The following CLRN1 variants were observed in gnomAD, a reference collection of about 807,000 sequenced individuals.
The protein encoded by CLRN1 is clarin 1, also known as clarin-1.
Under a neutral mutation model 18.7 loss-of-function variants are expected in CLRN1, and 15 were observed. The ratio of observed to expected loss-of-function variants is 0.80; its 90% CI spans 0.54 to 1.23. The LOEUF (loss-of-function observed/expected upper bound fraction) is 1.23, where lower values mean the gene tolerates loss of function less well. CLRN1 is among the 50% of genes most tolerant of loss of function. The probability of loss-of-function intolerance (pLI) is 0.00; values close to 1 mark genes in which losing one functional copy is unlikely to be tolerated. For synonymous variants in CLRN1, 104 were observed against 102.9 expected, an observed-to-expected ratio of 1.01 and a Z score of -0.07; for missense variants, 311 against 277.5, an observed-to-expected ratio of 1.12 and a Z score of -0.86.
intron 1 of CLRN1, among the ~76,000 whole-genome samples, chr3:150,943,202 G>A (rs1440648855): frequency 2.0e-5 from 3 of 152,168 alleles, no homozygotes; most frequent in Non-Finnish European, 4.4e-5. Flanking sequence ...CAGGTCCCTG[G>A]AAAAACCTCA....
chr3:150,948,708 C>T (rs1361520015), intron 1 of CLRN1, among the ~76,000 whole-genome samples: 5 of 152,050 alleles, frequency 3.3e-5, no homozygotes, highest in African/African-American at 1.2e-4. Flanking sequence ...TTTAGGGAAT[C>T]AGTAATAAAT....
intron 2 of CLRN1, among the ~76,000 whole-genome samples, chr3:150,931,320 C>T (rs1326268967): frequency 6.6e-6 from 1 of 152,198 alleles, no homozygotes; most frequent in Admixed American, 6.5e-5. Context: ...CAGTATGACC[C>T]TTTGAATCCA....
At chr3:150,930,813 A>C (rs1380308576) in intron 2 of CLRN1, among the ~76,000 whole-genome samples, 1 of 152,222 alleles carries the variant, frequency 6.6e-6, no homozygotes, top group Non-Finnish European at 1.5e-5. Context: ...TAAATATTTC[A>C]AAGGTACTGC....
chr3:150,929,368 A>C (rs1158625317), intron 2 of CLRN1, among the ~76,000 whole-genome samples: 3 of 152,212 alleles, frequency 2.0e-5, no homozygotes. Flanking sequence ...TCAGGAGCAC[A>C]TAGGATGGCC....
In CLRN1 at chr3:150,965,047, A is replaced by G. The variant is rs529108697; in HGVS notation, c.253+7409T>C. 3.9e-5 allele frequency among the ~76,000 whole-genome samples: 6 copies of G among 152,368 alleles called. No individual in the cohort carries two copies. The South Asian group carries it at 6.2e-4, about 16-fold the overall frequency. ...ACATGTATTTCAGAATTTAAAGTATAATAAAAAAAACTTTAAAAAAGATAG... is the reference window on the plus strand; with the variant it reads ...ACATGTATTTCAGAATTTAAAGTATGATAAAAAAAACTTTAAAAAAGATAG... On this transcript the variant is annotated intron_variant, in intron 1 of 2. Transcript: ENST00000327047.
At chr3:150,948,903 CA>C (rs937680303) in intron 1 of CLRN1, among the ~76,000 whole-genome samples, 1 of 151,920 alleles carries the variant, frequency 6.6e-6, no homozygotes, top group Non-Finnish European at 1.5e-5. Flanking sequence ...AGAGACACAA[CA>C]AAAAAAGAAA....
At chr3:150,956,801 T>G (rs1374140945) in intron 1 of CLRN1, among the ~76,000 whole-genome samples, 1 of 152,202 alleles carries the variant, frequency 6.6e-6, no homozygotes, top group Non-Finnish European at 1.5e-5. Context: ...AAGCCTTTTC[T>G]AGTTTTTTCC....
intron 1 of CLRN1, among the ~76,000 whole-genome samples, chr3:150,941,982 A>G (rs1234655133): frequency 6.6e-6 from 1 of 152,188 alleles, no homozygotes; most frequent in Non-Finnish European, 1.5e-5. Flanking sequence ...AGGAGATTTG[A>G]GGTAATTTAT....
rs1199880729 is a variant in CLRN1 at position 150,965,380 on chromosome 3, T to C, written c.253+7076A>G. On this transcript the variant is annotated intron_variant, in intron 1 of 2. Transcript: ENST00000327047. ...AGTGGGCAGCTGAAATAATATTCAT[T>C]ATTGAATATTGCTTTTATCAATATC... Among the ~76,000 whole-genome samples the C allele has an allele frequency of 2.6e-5, 4 of 152,222 alleles. No homozygotes were observed. The East Asian group carries it at 7.7e-4, about 29-fold the overall frequency.
intron 1 of CLRN1, chr3:150,945,810 A>G (rs1468928198): frequency 1.4e-5 from 6 of 422,242 alleles, no homozygotes; most frequent in African/African-American, 2.1e-5. Context: ...ACCCTTGTGC[A>G]TTTTTCTTGG....
At chr3:150,969,800 G>A (rs1261911372) in intron 1 of CLRN1, among the ~76,000 whole-genome samples, 2 of 151,816 alleles carry the variant, frequency 1.3e-5, no homozygotes, top group East Asian at 3.9e-4. Context: ...GTGAAACCCT[G>A]TCTTTACTAA....
Position 150,929,608 on chromosome 3 carries a change from C to T in CLRN1, c.434-1407G>A, listed in dbSNP as rs1323902631. ...TAAATAAAGCATGATTTGCATTTGG[C>T]TTTGTAATTGACACATATAAATGCT... On this transcript the variant is annotated intron_variant, in intron 2 of 2. Coordinates refer to ENST00000327047, the MANE Select transcript of CLRN1 (RefSeq NM_174878.3). Among the ~76,000 whole-genome samples the T allele has an allele frequency of 2.0e-5, 3 of 152,254 alleles. No homozygotes were observed. In the East Asian group the frequency reaches 5.8e-4, roughly 29 times the overall value.
At chr3:150,965,427 CATA>C (rs1235814685) in intron 1 of CLRN1, among the ~76,000 whole-genome samples, 1 of 152,084 alleles carries the variant, frequency 6.6e-6, no homozygotes, top group Admixed American at 6.5e-5. Flanking sequence ...ATATCAATAT[CATA>C]ATATTAATTA....
intron 1 of CLRN1, among the ~76,000 whole-genome samples, chr3:150,944,581 C>A (rs1179776373): frequency 6.6e-6 from 1 of 150,500 alleles, no homozygotes; most frequent in African/African-American, 2.4e-5. Flanking sequence ...GAATCCAGGC[C>A]GGGTGCGGTG....
chr3:150,946,742 T>A (rs1228107871), intron 1 of CLRN1, among the ~76,000 whole-genome samples: 4 of 151,088 alleles, frequency 2.6e-5, no homozygotes, highest in Non-Finnish European at 5.9e-5. Context: ...TTTTATTTTT[T>A]TATTTTTATT....
At chr3:150,944,711 C>T (rs890191751) in intron 1 of CLRN1, among the ~76,000 whole-genome samples, 11 of 151,124 alleles carry the variant, frequency 7.3e-5, no homozygotes, top group Non-Finnish European at 8.8e-5. Context: ...GCCAAGGTCC[C>T]ACCACTGCAC....
intron 2 of CLRN1, among the ~76,000 whole-genome samples, chr3:150,929,583 T>C (rs1713027283): frequency 6.6e-6 from 1 of 152,244 alleles, no homozygotes; most frequent in South Asian, 2.1e-4. Context: ...GTGGCTAATA[T>C]AAATAAAGCA....
rs201625237 is a variant in CLRN1, at chr3:150,928,198, G to T, written c.437C>A (p.Ser146Tyr). The T allele has an allele frequency of 6.2e-7, 1 of 1,614,010 alleles. No homozygotes were observed. ...CAATATCATGACAAGACAGCCACAG[G>T]AGCCTGCAACAGAAGAAACAAGGTG... Reference protein sequence around the residue: ...GLYLLSFISGSCGCLVMILFA... With the variant: ...GLYLLSFISGYCGCLVMILFA... The change falls in exon 3 of 3, where the codon TCC becomes TAC. Residue 146 changes from serine to tyrosine, a missense_variant. Coordinates refer to ENST00000327047, the MANE Select transcript of CLRN1 (RefSeq NM_174878.3).
intron 1 of CLRN1, among the ~76,000 whole-genome samples, chr3:150,952,733 C>A (rs1044237479): frequency 1.3e-5 from 2 of 152,090 alleles, no homozygotes; most frequent in Non-Finnish European, 2.9e-5. Flanking sequence ...TTTAGCCTGT[C>A]CTAAAATTGA....
Sources: allele counts gnomAD v4.1 joint callset (sites outside exome capture counted in the v4.1 genomes callset), GRCh38; gene constraint gnomAD v4.1.1; transcripts MANE v1.5; gene names NCBI Gene and HGNC (gene_info 2026-07-23, HGNC 2026-07-21).